The following SLC44A1 variants were observed in gnomAD, a reference collection of about 807,000 sequenced individuals.
SLC44A1 encodes choline transporter-like protein 1.
Under a neutral mutation model 79.3 loss-of-function variants are expected in SLC44A1, and 26 were observed. That is an observed-to-expected ratio of 0.33 (90% CI 0.24 to 0.46). The LOEUF (loss-of-function observed/expected upper bound fraction) is 0.46, where lower values mean the gene tolerates loss of function less well. Among genes scored for constraint, SLC44A1 ranks in the 20% least tolerant of loss-of-function variants. The probability of loss-of-function intolerance (pLI) is 1.00; values close to 1 mark genes in which losing one functional copy is unlikely to be tolerated. For missense variants in SLC44A1, 688 were observed against 798.1 expected (o/e 0.86, Z 1.66); for synonymous variants, 263 against 286.2 (o/e 0.92, Z 0.82).
At chr9:105,380,426 C>T (rs1828426503) in intron 13 of SLC44A1, among the ~76,000 whole-genome samples, 1 of 152,004 alleles carries the variant, frequency 6.6e-6, no homozygotes, top group African/African-American at 2.4e-5. Flanking sequence ...AAGCAGTCCT[C>T]CTGCCTCAGC....
chr9:105,380,806 A>G (rs1344979011), intron 13 of SLC44A1, among the ~76,000 whole-genome samples: 1 of 152,138 alleles, frequency 6.6e-6, no homozygotes, highest in Non-Finnish European at 1.5e-5. Context: ...AGCACCTGGG[A>G]TACTTTTTAA....
intron 3 of SLC44A1, among the ~76,000 whole-genome samples, chr9:105,315,879 G>C (rs903418276): frequency 2.6e-5 from 4 of 152,106 alleles, no homozygotes; most frequent in Non-Finnish European, 5.9e-5. Flanking sequence ...TCATATTGCT[G>C]TTTACTGAGT....
In SLC44A1 at chr9:105,335,426, T is replaced by A. The variant is rs181810338; in HGVS notation, c.270-137T>A. The A allele has an allele frequency of 3.7e-3, 2,083 of 562,866 alleles. 9 individuals carry two copies. The highest frequency in any genetic ancestry group is 8.5e-3 in the Middle Eastern group (20 of 2,358). 34.9% of individuals were successfully genotyped at this position (562,866 alleles called of 1,614,324 possible). A position where few individuals can be genotyped will look rare whatever the true frequency, so the allele number is the denominator to read the frequency against. On this transcript the variant is annotated intron_variant, in intron 3 of 15. Transcript: ENST00000374720. Reference sequence around the variant, plus strand: ...TTAGTCTGTTAATAAGCAATTTTTTTAAAATGTATTTATGATGAGATTTTT... The same window carrying A: ...TTAGTCTGTTAATAAGCAATTTTTTAAAAATGTATTTATGATGAGATTTTT...
chr9:105,249,235 C>A (rs1349852598), intron 1 of SLC44A1, among the ~76,000 whole-genome samples: 1 of 152,174 alleles, frequency 6.6e-6, no homozygotes, highest in African/African-American at 2.4e-5. Flanking sequence ...GCTAACTGTG[C>A]TTTAACAATT....
Position 105,390,423 on chromosome 9 carries a change from C to T in SLC44A1, c.*1367C>T. On this transcript the variant is annotated 3_prime_UTR_variant, in exon 16 of 16. Transcript: ENST00000374720. The stretch of plus-strand genomic sequence containing the variant: ...TTAAACTTATTGCACTAAATACAGG[C>T]TCTGTACAAAAAAAAAAAAAAAAAA... The T allele has an allele frequency of 1.2e-6, 1 of 847,130 alleles. No individual in the cohort carries two copies. The highest frequency in any genetic ancestry group is 5.7e-5 in the South Asian group (1 of 17,530). The allele number at this position is 847,130 out of a possible 1,614,324, so 52.5% of individuals were successfully genotyped here.
intron 1 of SLC44A1, among the ~76,000 whole-genome samples, chr9:105,271,281 A>G (rs1044441847): frequency 4.6e-5 from 7 of 152,150 alleles, no homozygotes; most frequent in African/African-American, 1.7e-4. Flanking sequence ...GGTTTTCTAG[A>G]AGGTTCTGAC....
At chr9:105,283,092 C>A (rs1312060669) in intron 1 of SLC44A1, among the ~76,000 whole-genome samples, 1 of 152,076 alleles carries the variant, frequency 6.6e-6, no homozygotes, top group Non-Finnish European at 1.5e-5. Context: ...GGACTTTGGA[C>A]CCAAATTGTA....
At chr9:105,350,252 GAGA>G (rs566979328) in intron 5 of SLC44A1, among the ~76,000 whole-genome samples, 204 of 152,298 alleles carry the variant, frequency 1.3e-3, no homozygotes, top group Non-Finnish European at 2.3e-3. Context: ...GAAAGTAAAA[GAGA>G]AGAACATTTG....
intron 15 of SLC44A1, among the ~76,000 whole-genome samples, chr9:105,414,893 T>G (rs1829147163): frequency 6.6e-6 from 1 of 152,178 alleles, no homozygotes; most frequent in African/African-American, 2.4e-5. Context: ...CCATTAGGGA[T>G]CTGTTTATTG....
intron 1 of SLC44A1, among the ~76,000 whole-genome samples, chr9:105,273,080 C>T (rs1387887011): frequency 6.6e-6 from 1 of 152,064 alleles, no homozygotes; most frequent in African/African-American, 2.4e-5. Flanking sequence ...CAACCTCCGC[C>T]TCCCAGGTTC....
At chr9:105,380,808 A>G (rs746891076) in intron 13 of SLC44A1, among the ~76,000 whole-genome samples, 2 of 152,150 alleles carry the variant, frequency 1.3e-5, no homozygotes, top group Non-Finnish European at 2.9e-5. Context: ...CACCTGGGAT[A>G]CTTTTTAAAT....
In SLC44A1 at chr9:105,366,291, A is replaced by G. The variant is rs1165700780; in HGVS notation, c.1411-55A>G. 15 of 901,898 alleles carry G rather than the reference A, an allele frequency of 1.7e-5. No individual in the cohort carries two copies. In the East Asian group the frequency reaches 1.7e-4, roughly 10 times the overall value. 55.9% of individuals were successfully genotyped at this position (901,898 alleles called of 1,614,324 possible). On this transcript the variant is annotated intron_variant, in intron 11 of 15. Coordinates refer to ENST00000374720, the MANE Select transcript of SLC44A1 (RefSeq NM_080546.5). Reference sequence around the variant, plus strand: ...ATTTTTCTAACGTTTGAAGTCTTCTATGTGACAGTTTGATTCTTTGGTTTT... The same window carrying G: ...ATTTTTCTAACGTTTGAAGTCTTCTGTGTGACAGTTTGATTCTTTGGTTTT...
chr9:105,343,062 T>G (rs1322065389), intron 4 of SLC44A1, among the ~76,000 whole-genome samples: 1 of 151,948 alleles, frequency 6.6e-6, no homozygotes, highest in East Asian at 1.9e-4. Flanking sequence ...TTCTCAGTGC[T>G]AATAGTTCAC....
rs986494693 is a variant in SLC44A1, at chr9:105,423,018, T to C, written c.1951-15263T>C. Among the ~76,000 whole-genome samples the C allele has an allele frequency of 2.0e-5, 3 of 152,260 alleles. No homozygotes were observed. The East Asian group carries it at 5.8e-4, about 29-fold the overall frequency. On this transcript the variant is annotated intron_variant, in intron 15 of 15. Coordinates refer to the SLC44A1 transcript ENST00000374724. ...TGGGACATAGTAGGTACTTATTGAA[T>C]GAACAAAGGAAAACTGGGACGGAAG...
At chr9:105,327,130 T>C (rs1220505456) in intron 3 of SLC44A1, among the ~76,000 whole-genome samples, 3 of 152,206 alleles carry the variant, frequency 2.0e-5, no homozygotes, top group Admixed American at 1.3e-4. Flanking sequence ...TTTATTCACA[T>C]TCCCACCCTA....
chr9:105,318,476 G>A (rs1048348209), intron 3 of SLC44A1, among the ~76,000 whole-genome samples: 10 of 152,094 alleles, frequency 6.6e-5, no homozygotes, highest in East Asian at 3.8e-4. Flanking sequence ...CACTACACCC[G>A]GCCTATACAG....
At position 105,423,459 on chromosome 9, in the gene SLC44A1, C is replaced by T. The variant is rs1019238563; in HGVS notation, c.1951-14822C>T. Among the ~76,000 whole-genome samples the T allele has an allele frequency of 2.6e-5, 4 of 152,118 alleles. No homozygotes were observed. In the East Asian group the frequency reaches 5.8e-4, roughly 22 times the overall value. On this transcript the variant is annotated intron_variant, in intron 15 of 15. Coordinates refer to the SLC44A1 transcript ENST00000374724. Reference sequence around the variant, plus strand: ...CCAGCCTGGGCAACAGAGCGAGGCTCGGTCTCATAAAATAAAATAAAATAA... The same window carrying T: ...CCAGCCTGGGCAACAGAGCGAGGCTTGGTCTCATAAAATAAAATAAAATAA...
In SLC44A1 at chr9:105,389,064, C is replaced by G. The variant is rs774367507; in HGVS notation, c.*8C>G. On this transcript the variant is annotated 3_prime_UTR_variant, in exon 16 of 16. Transcript: ENST00000374720. The stretch of plus-strand genomic sequence containing the variant: ...GGAGCAAGTTCTGCTTGAACCTAGC[C>G]GACGGTTATGGAAACCCATTGACAT... 6.2e-7 allele frequency: 1 copy of G among 1,612,696 alleles called. No homozygotes were observed. Among genetic ancestry groups the G allele is most frequent in the Admixed American group, 1.7e-5 (1 of 59,978 alleles).
chr9:105,414,800 C>A (rs1323978732), intron 15 of SLC44A1, among the ~76,000 whole-genome samples: 1 of 151,770 alleles, frequency 6.6e-6, no homozygotes, highest in East Asian at 1.9e-4. Context: ...ATGGCGAGAC[C>A]CTGCTAGAAC....
Sources: allele counts gnomAD v4.1 joint callset (sites outside exome capture counted in the v4.1 genomes callset), GRCh38; gene constraint gnomAD v4.1.1; transcripts MANE v1.5; gene names NCBI Gene and HGNC (gene_info 2026-07-23, HGNC 2026-07-21).